Variants in NRG3 observed in about 807,000 individuals in gnomAD.
NRG3 encodes pro-neuregulin-3, membrane-bound isoform.
A neutral mutation model predicts 66.9 loss-of-function variants in NRG3; 31 were observed. The observed-to-expected ratio is 0.46, with a 90% CI of 0.35 to 0.63. The LOEUF is 0.63. NRG3 is among the 20% of genes least tolerant of loss of function. The pLI, the probability that NRG3 is intolerant of heterozygous loss-of-function variation, is 0.00. For synonymous variants in NRG3, 393 were observed against 359.4 expected (o/e 1.09, Z -1.06); for missense variants, 910 against 878.9 (o/e 1.04, Z -0.45).
intron 2 of NRG3, among the ~76,000 whole-genome samples, chr10:82,533,486 C>T (rs946665665): frequency 6.0e-5 from 9 of 150,138 alleles, no homozygotes; most frequent in African/African-American, 2.2e-4. Flanking sequence ...AGATAAAGGT[C>T]CAATTTCCTT....
At chr10:82,188,247 T>C (rs2073927891) in intron 1 of NRG3, among the ~76,000 whole-genome samples, 1 of 151,970 alleles carries the variant, frequency 6.6e-6, no homozygotes, top group Non-Finnish European at 1.5e-5. Context: ...GCTGGGCAAA[T>C]TGGATATATG....
intron 2 of NRG3, among the ~76,000 whole-genome samples, chr10:82,430,284 G>A (rs1310505144): frequency 1.3e-5 from 2 of 151,538 alleles, no homozygotes; most frequent in Non-Finnish European, 2.9e-5. Context: ...TTGAGATGGA[G>A]TCTCGCTCTG....
Position 82,128,679 on chromosome 10 carries a change from A to G in NRG3, c.824-230060A>G, listed in dbSNP as rs548823260. ...ATGGATTGTTGATTACAAATGCCTT[A>G]TATGCGTCTGACTCAAAATATGATA... On this transcript the variant is annotated intron_variant, in intron 1 of 8. Coordinates refer to ENST00000372141, the MANE Select transcript of NRG3 (RefSeq NM_001010848.4). Among the ~76,000 whole-genome samples, 136 of 152,148 alleles carry G rather than the reference A, an allele frequency of 8.9e-4. 1 individual carries two copies. Among genetic ancestry groups the G allele is most frequent in the African/African-American group, 3.2e-3 (131 of 41,536 alleles).
intron 2 of NRG3, among the ~76,000 whole-genome samples, chr10:82,390,686 G>A (rs1319049463): frequency 6.6e-6 from 1 of 152,052 alleles, no homozygotes; most frequent in Non-Finnish European, 1.5e-5. Context: ...AGAGTTTAGG[G>A]GACCAAAAAT....
intron 2 of NRG3, among the ~76,000 whole-genome samples, chr10:82,622,601 A>G (rs1003556258): frequency 1.3e-5 from 2 of 152,148 alleles, no homozygotes; most frequent in Non-Finnish European, 2.9e-5. Context: ...TAGAATTTTT[A>G]ATTTTGATGT....
intron 1 of NRG3, among the ~76,000 whole-genome samples, chr10:81,879,556 C>G (rs1348483706): frequency 6.6e-6 from 1 of 152,076 alleles, no homozygotes; most frequent in Non-Finnish European, 1.5e-5. Context: ...CAAAGAGCCT[C>G]TTTTTATAGG....
At chr10:82,056,065 A>C (rs2063833184) in intron 1 of NRG3, among the ~76,000 whole-genome samples, 2 of 152,194 alleles carry the variant, frequency 1.3e-5, no homozygotes, top group African/African-American at 4.8e-5. Flanking sequence ...TGGAAAGCAA[A>C]ATCATTCAAC....
chr10:82,632,856 C>G (rs1344353135), intron 2 of NRG3, among the ~76,000 whole-genome samples: 1 of 152,192 alleles, frequency 6.6e-6, no homozygotes, highest in Non-Finnish European at 1.5e-5. Flanking sequence ...TCTAAGCAAG[C>G]TGCTGTGATA....
rs540479567 is a variant in NRG3, at chr10:82,437,665, C to T, written c.953+78797C>T. The stretch of plus-strand genomic sequence containing the variant: ...TTATACATTGATTCTTTCTCATCTT[C>T]GTGAATTTGTCTACTTTTGGTCTTT... On this transcript the variant is annotated intron_variant, in intron 2 of 8. Coordinates refer to ENST00000372141, the MANE Select transcript of NRG3 (RefSeq NM_001010848.4). Among the ~76,000 whole-genome samples the T allele has an allele frequency of 1.5e-4, 23 of 152,176 alleles. 1 individual carries two copies. The South Asian group carries it at 4.4e-3, about 29-fold the overall frequency.
At chr10:82,833,729 A>G (rs1053091788) in intron 3 of NRG3, among the ~76,000 whole-genome samples, 4 of 152,132 alleles carry the variant, frequency 2.6e-5, no homozygotes, top group Non-Finnish European at 4.4e-5. Flanking sequence ...TTGAAGCACT[A>G]CGTGCCATGA....
chr10:82,806,861 G>C (rs2061309701), intron 3 of NRG3, among the ~76,000 whole-genome samples: 1 of 152,098 alleles, frequency 6.6e-6, no homozygotes, highest in African/African-American at 2.4e-5. Context: ...CATCAGATAG[G>C]CACCATCTGC....
chr10:82,630,082 C>A (rs2049709760), intron 2 of NRG3, among the ~76,000 whole-genome samples: 1 of 152,106 alleles, frequency 6.6e-6, no homozygotes, highest in Admixed American at 6.6e-5. Context: ...GCAACTAAAT[C>A]GCAGTTTCCA....
In NRG3 at chr10:82,098,284, CATTT is replaced by C. The variant is rs1451688920; in HGVS notation, c.823+222124_823+222127del. Among the ~76,000 whole-genome samples, 3 of 150,366 alleles carry C rather than the reference CATTT, an allele frequency of 2.0e-5. No individual in the cohort carries two copies. The East Asian group carries it at 5.9e-4, about 29-fold the overall frequency. On this transcript the variant is annotated intron_variant, in intron 1 of 8. Transcript: ENST00000372141. ...ATATATAGATGTCATATATATATGT[CATTT>C]ATATATATGTCATATATATAGATAT...
intron 2 of NRG3, among the ~76,000 whole-genome samples, chr10:82,693,246 T>TTA (rs2055088420): frequency 6.6e-6 from 1 of 152,242 alleles, no homozygotes; most frequent in Non-Finnish European, 1.5e-5. Flanking sequence ...CCAACAGCAT[T>TTA]CATTTATTTT....
chr10:82,633,688 G>A (rs72829348), intron 2 of NRG3, among the ~76,000 whole-genome samples: 1,895 of 152,268 alleles, frequency 0.012, 13 homozygotes, highest in Non-Finnish European at 0.021. Context: ...CTTATTTAAA[G>A]TCTGTTCCAG....
intron 2 of NRG3, among the ~76,000 whole-genome samples, chr10:82,451,338 A>G (rs2091009351): frequency 6.6e-6 from 1 of 152,194 alleles, no homozygotes; most frequent in Non-Finnish European, 1.5e-5. Context: ...TCTCAGTTGA[A>G]TTAGTACAGA....
At chr10:82,741,100 T>C (rs1305634063) in intron 3 of NRG3, among the ~76,000 whole-genome samples, 2 of 152,190 alleles carry the variant, frequency 1.3e-5, no homozygotes, top group Non-Finnish European at 2.9e-5. Context: ...GGAGAGCCCA[T>C]GGATGAGTCC....
chr10:82,876,971 C>T (rs1841876743), intron 4 of NRG3, among the ~76,000 whole-genome samples: 1 of 148,354 alleles, frequency 6.7e-6, no homozygotes, highest in Non-Finnish European at 1.5e-5. Flanking sequence ...TGCATTGAGC[C>T]AAGATTGTGC....
chr10:81,893,584 C>T (rs538591122), intron 1 of NRG3, among the ~76,000 whole-genome samples: 4 of 152,252 alleles, frequency 2.6e-5, no homozygotes, highest in South Asian at 4.1e-4. Context: ...ATCCCCTGAT[C>T]GTCGTAGGTG....
Sources: gnomAD v4.1 joint callset for allele counts (sites outside exome capture counted in the v4.1 genomes callset) on GRCh38, gnomAD v4.1.1 for gene constraint, MANE v1.5 for transcripts, NCBI Gene and HGNC (gene_info 2026-07-23, HGNC 2026-07-21) for gene names.